Variants in SLCO6A1 observed in about 807,000 individuals in gnomAD.
The protein encoded by SLCO6A1 is solute carrier organic anion transporter family member 6A1.
In SLCO6A1, 65 loss-of-function variants were observed where a neutral mutation model predicts 72.7. The observed-to-expected ratio is 0.89, with a 90% CI of 0.73 to 1.10. SLCO6A1 has a LOEUF of 1.10. Among genes scored for constraint, SLCO6A1 ranks in the 50% least tolerant of loss-of-function variants. The pLI is 0.00. For synonymous variants in SLCO6A1, 314 were observed against 298.2 expected (o/e 1.05, Z -0.55); for missense variants, 874 against 872.6 (o/e 1.00, Z -0.02).
intron 6 of SLCO6A1, among the ~76,000 whole-genome samples, chr5:102,451,767 T>C (rs1224073989): frequency 6.6e-6 from 1 of 152,192 alleles, no homozygotes; most frequent in Admixed American, 6.5e-5. Context: ...CCTTGATGAA[T>C]CCCAATGTGT....
chr5:102,383,296 A>C (rs1746228160), intron 12 of SLCO6A1, among the ~76,000 whole-genome samples: 1 of 151,380 alleles, frequency 6.6e-6, no homozygotes, highest in Non-Finnish European at 1.5e-5. Context: ...ATAAAGAGAA[A>C]GCTTTCAGCT....
At chr5:102,443,799 G>A (rs1271198938) in intron 6 of SLCO6A1, among the ~76,000 whole-genome samples, 3 of 152,118 alleles carry the variant, frequency 2.0e-5, no homozygotes, top group Non-Finnish European at 2.9e-5. Context: ...ACAGGGAAAG[G>A]TGAAAGCCAG....
Position 102,449,392 on chromosome 5 carries a change from A to ATT in SLCO6A1, c.1131+8988_1131+8989dup, listed in dbSNP as rs60760058. 7.4e-3 allele frequency among the ~76,000 whole-genome samples: 1,101 copies of ATT among 148,098 alleles called. 17 individuals are homozygous for ATT. Among genetic ancestry groups the ATT allele is most frequent in the African/African-American group, 0.025 (990 of 40,392 alleles). On this transcript the variant is annotated intron_variant, in intron 6 of 13. Transcript: ENST00000506729. Reference sequence around the variant, plus strand: ...TCACAAGGGTACTTTGAATTTCCTGATTTTTTTTTTTTGAGACAGAGTCTC... The same window carrying ATT: ...TCACAAGGGTACTTTGAATTTCCTGATTTTTTTTTTTTTTGAGACAGAGTCTC...
intron 12 of SLCO6A1, among the ~76,000 whole-genome samples, chr5:102,386,320 C>A (rs1358305435): frequency 6.6e-6 from 1 of 152,096 alleles, no homozygotes; most frequent in African/African-American, 2.4e-5. Flanking sequence ...TGGGGGCCAA[C>A]CTCAAGCCTA....
chr5:102,416,408 G>A (rs993304763), intron 8 of SLCO6A1, among the ~76,000 whole-genome samples: 2 of 151,840 alleles, frequency 1.3e-5, no homozygotes, highest in African/African-American at 4.8e-5. Flanking sequence ...AGAAAAAAAT[G>A]AAATAATGTC....
intron 7 of SLCO6A1, 193 bp downstream of exon 7, chr5:102,438,424 C>T (rs1330180920): frequency 4.1e-5 from 16 of 390,354 alleles, no homozygotes; most frequent in Admixed American, 3.7e-4. Context: ...AGGAGGAACA[C>T]GGAAGTTTTT....
chr5:102,479,969 C>A (rs1193048414), intron 2 of SLCO6A1, among the ~76,000 whole-genome samples: 1 of 152,172 alleles, frequency 6.6e-6, no homozygotes, highest in Non-Finnish European at 1.5e-5. Context: ...TATCAATAGA[C>A]TAAAATTAAT....
chr5:102,486,234 A>G lies in SLCO6A1; in HGVS notation c.359-5800T>C, dbSNP rs76634966. Among the ~76,000 whole-genome samples the G allele has an allele frequency of 8.1e-3, 1,241 of 152,288 alleles. 12 individuals carry two copies. Among genetic ancestry groups the G allele is most frequent in the Non-Finnish European group, 0.015 (1,008 of 67,988 alleles). On this transcript the variant is annotated intron_variant, in intron 1 of 13. Transcript: ENST00000506729. ...ATTCTTTCCCAAAATAAAAATGTGT[A>G]CAAAGCACAATTAAAGGATTTCTAA... is the stretch of plus-strand genomic sequence containing the variant.
At chr5:102,440,914 G>A (rs865931643) in intron 6 of SLCO6A1, among the ~76,000 whole-genome samples, 1 of 152,098 alleles carries the variant, frequency 6.6e-6, no homozygotes, top group African/African-American at 2.4e-5. Flanking sequence ...TCTTTACACA[G>A]TTCTTAGCTA....
chr5:102,434,444 C>G (rs532879377), intron 7 of SLCO6A1, among the ~76,000 whole-genome samples: 4 of 152,168 alleles, frequency 2.6e-5, no homozygotes, highest in African/African-American at 9.7e-5. Context: ...TTTCACATCA[C>G]CCTTTGGAAA....
chr5:102,383,537 A>G (rs577991664), intron 12 of SLCO6A1, among the ~76,000 whole-genome samples: 4 of 151,812 alleles, frequency 2.6e-5, no homozygotes, highest in African/African-American at 9.6e-5. Flanking sequence ...CACCTTAGGG[A>G]TAAATCCCTC....
At chr5:102,493,876 C>A (rs932707998) in intron 1 of SLCO6A1, among the ~76,000 whole-genome samples, 3 of 152,044 alleles carry the variant, frequency 2.0e-5, no homozygotes, top group African/African-American at 7.2e-5. Context: ...GTTAAGAGGT[C>A]AATTTTCTCC....
At chr5:102,480,092 A>G in intron 2 of SLCO6A1, 85 bp downstream of exon 2, 1 of 1,280,044 alleles carries the variant, frequency 7.8e-7, no homozygotes, top group Non-Finnish European at 1.1e-6. Flanking sequence ...CAGACAAATA[A>G]TTATCACAGT....
At position 102,373,260 on chromosome 5, in the gene SLCO6A1, T is replaced by C. The variant is rs568228317; in HGVS notation, c.*15+77A>G. The C allele has an allele frequency of 9.4e-5, 85 of 903,494 alleles. No individual in the cohort carries two copies. In the South Asian group the frequency reaches 2.5e-3, roughly 26 times the overall value. The allele number at this position is 903,494 out of a possible 1,614,324, so 56.0% of individuals were successfully genotyped here. A position where few individuals can be genotyped will look rare whatever the true frequency, so the allele number is the denominator to read the frequency against. On this transcript the variant is annotated intron_variant, in intron 13 of 13. Transcript: ENST00000506729. ...TTATATGAAGCACATTTGTTAAACA[T>C]GTAATTACATTATTATTACTTTAAA...
chr5:102,434,520 C>A lies in SLCO6A1; in HGVS notation c.1276+4097G>T, dbSNP rs1749396470. Among the ~76,000 whole-genome samples, 3 of 152,172 alleles carry A rather than the reference C, an allele frequency of 2.0e-5. No homozygotes were observed. The South Asian group carries it at 6.2e-4, about 32-fold the overall frequency. On this transcript the variant is annotated intron_variant, in intron 7 of 13. Transcript: ENST00000506729. ...TTGCTGTGAGTCATAAACTTTATTT[C>A]ATCTCTGACCAAGAAGTTTGGTGTC...
chr5:102,494,915 G>A (rs115009816), intron 1 of SLCO6A1, among the ~76,000 whole-genome samples: 2,417 of 152,220 alleles, frequency 0.016, 59 homozygotes, highest in African/African-American at 0.055. Context: ...AAACAAAAAT[G>A]TATGTCCACA....
At chr5:102,433,429 AT>A (rs959435294) in intron 7 of SLCO6A1, among the ~76,000 whole-genome samples, 6 of 150,666 alleles carry the variant, frequency 4.0e-5, no homozygotes, top group African/African-American at 1.2e-4. Flanking sequence ...TGTCCTTTGG[AT>A]TTTTTTTTCT....
At chr5:102,381,668 A>C (rs6873738) in intron 12 of SLCO6A1, among the ~76,000 whole-genome samples, 94,614 of 150,428 alleles carry the variant, frequency 0.63, 29,974 homozygotes, top group Non-Finnish European at 0.65. Flanking sequence ...TGGCTGTACT[A>C]ATTTGCATTC....
intron 6 of SLCO6A1, among the ~76,000 whole-genome samples, chr5:102,455,866 G>A (rs1349184319): frequency 6.6e-6 from 1 of 152,118 alleles, no homozygotes. Context: ...ATAAAATACT[G>A]GTGAACCGAA....
Sources: gnomAD v4.1 joint callset for allele counts (sites outside exome capture counted in the v4.1 genomes callset) on GRCh38, gnomAD v4.1.1 for gene constraint, MANE v1.5 for transcripts, NCBI Gene and HGNC (gene_info 2026-07-23, HGNC 2026-07-21) for gene names.